TGFBR3: variants seen among roughly 807,000 people sequenced by gnomAD.
The protein encoded by TGFBR3 is transforming growth factor beta receptor type 3.
TGFBR3 carries 46 observed loss-of-function variants against 87.9 expected under a neutral mutation model. That is an observed-to-expected ratio of 0.52 (90% CI 0.41 to 0.67). The LOEUF is 0.67. Among genes scored for constraint, TGFBR3 ranks in the 30% least tolerant of loss-of-function variants. TGFBR3 has a pLI of 0.00. For synonymous variants in TGFBR3, 381 were observed against 391.6 expected, an observed-to-expected ratio of 0.97 and a Z score of 0.32; for missense variants, 866 against 1,041.9, an observed-to-expected ratio of 0.83 and a Z score of 2.32.
chr1:91,817,608 T>C (rs1233828162), intron 2 of TGFBR3, among the ~76,000 whole-genome samples: 1 of 152,236 alleles, frequency 6.6e-6, no homozygotes, highest in Non-Finnish European at 1.5e-5. Context: ...CCACTGCTTT[T>C]AATTGCTCTA....
At chr1:91,746,874 T>C (rs994066692) in intron 4 of TGFBR3, among the ~76,000 whole-genome samples, 1 of 152,208 alleles carries the variant, frequency 6.6e-6, no homozygotes, top group African/African-American at 2.4e-5. Context: ...TTTCTCACTC[T>C]AGAGCTCTTT....
intron 3 of TGFBR3, among the ~76,000 whole-genome samples, chr1:91,780,777 C>T (rs1004571271): frequency 1.3e-5 from 2 of 151,492 alleles, no homozygotes; most frequent in East Asian, 1.9e-4. Flanking sequence ...AGGCTGGTCT[C>T]GAACTCCTGA....
chr1:91,768,361 T>C (rs183670641), intron 3 of TGFBR3, among the ~76,000 whole-genome samples: 11 of 152,336 alleles, frequency 7.2e-5, no homozygotes, highest in African/African-American at 2.6e-4. Context: ...GGGACTTGTA[T>C]TTTTATCACC....
intron 1 of TGFBR3, among the ~76,000 whole-genome samples, chr1:91,870,202 T>C (rs1377920940): frequency 3.9e-5 from 6 of 152,222 alleles, no homozygotes; most frequent in Non-Finnish European, 4.4e-5. Flanking sequence ...GCCATCTTTA[T>C]GCTATTCCTC....
rs376302104 is a variant in TGFBR3, at chr1:91,877,930, A to G, written c.-114+7948T>C. 1.5e-3 allele frequency among the ~76,000 whole-genome samples: 229 copies of G among 152,374 alleles called. 2 individuals carry two copies. The South Asian group carries it at 0.027, about 18-fold the overall frequency. ...TCTATTCAGAAATGCTTTGGCTAAA[A>G]GATAGACCAGCAATAGGAAACATGC... On this transcript the variant is annotated intron_variant, in intron 1 of 16. Coordinates refer to ENST00000212355, the MANE Select transcript of TGFBR3 (RefSeq NM_003243.5).
At chr1:91,828,457 C>T (rs946010047) in intron 2 of TGFBR3, among the ~76,000 whole-genome samples, 1 of 152,178 alleles carries the variant, frequency 6.6e-6, no homozygotes, top group Non-Finnish European at 1.5e-5. Flanking sequence ...TGAAAACGAA[C>T]AGGACACTTG....
At chr1:91,741,332 G>T (rs1430855626) in intron 4 of TGFBR3, among the ~76,000 whole-genome samples, 2 of 152,110 alleles carry the variant, frequency 1.3e-5, no homozygotes, top group Non-Finnish European at 2.9e-5. Flanking sequence ...GAGATGCACA[G>T]GGCAAGGTAC....
chr1:91,895,513 G>T (rs1679535594), intron 2 of TGFBR3, among the ~76,000 whole-genome samples: 1 of 152,036 alleles, frequency 6.6e-6, no homozygotes, highest in East Asian at 1.9e-4. Flanking sequence ...GAGAGATGGG[G>T]TCTCACTACA....
intron 3 of TGFBR3, among the ~76,000 whole-genome samples, chr1:91,776,789 T>C (rs1453330161): frequency 2.6e-5 from 4 of 152,194 alleles, no homozygotes; most frequent in Non-Finnish European, 5.9e-5. Flanking sequence ...TTTGTCTGCT[T>C]TTCCTTCACC....
chr1:91,747,856 C>A (rs1374478454), intron 4 of TGFBR3, among the ~76,000 whole-genome samples: 2 of 152,360 alleles, frequency 1.3e-5, no homozygotes, highest in South Asian at 2.1e-4. Context: ...TCCGCTCATG[C>A]CTGAGCTGCC....
intron 2 of TGFBR3, among the ~76,000 whole-genome samples, chr1:91,860,262 T>C (rs1678129637): frequency 1.3e-5 from 2 of 152,230 alleles, no homozygotes; most frequent in South Asian, 4.1e-4. Context: ...TATTCATTTT[T>C]ATATTCTTTA....
At chr1:91,834,060 A>AT (rs941331661) in intron 2 of TGFBR3, among the ~76,000 whole-genome samples, 3 of 152,228 alleles carry the variant, frequency 2.0e-5, no homozygotes, top group Non-Finnish European at 4.4e-5. Flanking sequence ...CTATTTGGAC[A>AT]TTATATACTG....
At chr1:91,759,911 T>A (rs1673899255) in intron 3 of TGFBR3, among the ~76,000 whole-genome samples, 1 of 152,222 alleles carries the variant, frequency 6.6e-6, no homozygotes, top group African/African-American at 2.4e-5. Context: ...TATTTCACAT[T>A]TTCCCAATGG....
intron 3 of TGFBR3, among the ~76,000 whole-genome samples, chr1:91,768,950 C>T (rs150741346): frequency 6.7e-4 from 102 of 152,244 alleles, no homozygotes; most frequent in African/African-American, 2.4e-3. Context: ...TAACCCAATC[C>T]TTTGGGTCAC....
intron 2 of TGFBR3, among the ~76,000 whole-genome samples, chr1:91,849,001 GA>G (rs1677614637): frequency 6.6e-6 from 1 of 152,158 alleles, no homozygotes; most frequent in South Asian, 2.1e-4. Flanking sequence ...ACTGATGTGA[GA>G]AATACATCTT....
intron 2 of TGFBR3, among the ~76,000 whole-genome samples, chr1:91,854,549 G>GA (rs967967969): frequency 7.9e-5 from 12 of 151,382 alleles, no homozygotes; most frequent in East Asian, 5.8e-4. Context: ...ATAAAAATGT[G>GA]AAAAAAAATA....
At chr1:91,852,189 C>A (rs1478578538) in intron 2 of TGFBR3, among the ~76,000 whole-genome samples, 2 of 152,042 alleles carry the variant, frequency 1.3e-5, no homozygotes, top group Admixed American at 6.6e-5. Flanking sequence ...GCCAAGGCTG[C>A]AGTGAGCTAC....
At chr1:91,811,357 C>A (rs1043944874) in intron 2 of TGFBR3, among the ~76,000 whole-genome samples, 2 of 152,012 alleles carry the variant, frequency 1.3e-5, no homozygotes, top group African/African-American at 4.8e-5. Context: ...TCAGCTCTTG[C>A]AAGAAAATAC....
chr1:91,688,463 A>G (rs2765886), intron 16 of TGFBR3, among the ~76,000 whole-genome samples: 148,798 of 152,318 alleles, frequency 0.98, 72,688 homozygotes, highest in East Asian at 1. Context: ...CTTAGTAGGT[A>G]TATTAGTTGT....
Sources: gnomAD v4.1 joint callset for allele counts (sites outside exome capture counted in the v4.1 genomes callset) on GRCh38, gnomAD v4.1.1 for gene constraint, MANE v1.5 for transcripts, NCBI Gene and HGNC (gene_info 2026-07-23, HGNC 2026-07-21) for gene names.